TCF7L1: variants seen among roughly 807,000 people sequenced by gnomAD.
TCF7L1 encodes the protein transcription factor 7 like 1, also known as transcription factor 7-like 1.
TCF7L1 carries 18 observed loss-of-function variants against 63.7 expected under a neutral mutation model. The observed-to-expected ratio is 0.28, with a 90% CI of 0.20 to 0.42. The LOEUF (loss-of-function observed/expected upper bound fraction) is 0.42. Ranked by LOEUF, TCF7L1 falls within the 10% of genes least tolerant of loss-of-function variation. TCF7L1 has a pLI of 1.00. For missense variants in TCF7L1, 654 were observed against 779.3 expected (o/e 0.84, Z 1.91); for synonymous variants, 355 against 340.9 (o/e 1.04, Z -0.46).
At chr2:85,210,343 A>G (rs1420070312) in intron 3 of TCF7L1, among the ~76,000 whole-genome samples, 1 of 152,202 alleles carries the variant, frequency 6.6e-6, no homozygotes, top group Non-Finnish European at 1.5e-5. Flanking sequence ...GGAGCCCTGT[A>G]GTTTCTCCCC....
chr2:85,149,424 AATTAC>A (rs1677959393), intron 3 of TCF7L1, among the ~76,000 whole-genome samples: 1 of 152,082 alleles, frequency 6.6e-6, no homozygotes, highest in Non-Finnish European at 1.5e-5. Flanking sequence ...TATAAATATA[AATTAC>A]ATTTTAACTT....
At chr2:85,141,629 T>C (rs894470724) in intron 3 of TCF7L1, among the ~76,000 whole-genome samples, 2 of 152,120 alleles carry the variant, frequency 1.3e-5, no homozygotes, top group Non-Finnish European at 2.9e-5. Flanking sequence ...TTTGGGATGC[T>C]GGAGTGGGAG....
intron 4 of TCF7L1, among the ~76,000 whole-genome samples, chr2:85,300,558 C>A (rs915700326): frequency 3.9e-5 from 6 of 152,030 alleles, no homozygotes; most frequent in African/African-American, 1.2e-4. Flanking sequence ...TAATTCTCCG[C>A]CTCTCCTCTC....
intron 4 of TCF7L1, among the ~76,000 whole-genome samples, chr2:85,285,182 G>A (rs1243832856): frequency 6.6e-6 from 1 of 151,932 alleles, no homozygotes; most frequent in East Asian, 1.9e-4. Context: ...ATAGTGAGCC[G>A]AGATCGCGCC....
intron 3 of TCF7L1, among the ~76,000 whole-genome samples, chr2:85,155,392 T>C (rs1299779270): frequency 6.6e-6 from 1 of 152,188 alleles, no homozygotes; most frequent in Non-Finnish European, 1.5e-5. Flanking sequence ...CAATAAATCT[T>C]GCTGCTGTTC....
intron 3 of TCF7L1, among the ~76,000 whole-genome samples, chr2:85,158,599 C>G (rs945815624): frequency 2.0e-5 from 3 of 152,188 alleles, no homozygotes; most frequent in African/African-American, 7.2e-5. Flanking sequence ...CATGATAGCT[C>G]AGGTCAGGTT....
intron 3 of TCF7L1, among the ~76,000 whole-genome samples, chr2:85,171,046 G>A (rs1046966186): frequency 6.6e-6 from 1 of 152,090 alleles, no homozygotes; most frequent in Non-Finnish European, 1.5e-5. Context: ...AAGAAAAAAA[G>A]GTTAATGAAC....
At chr2:85,180,892 G>A (rs986900522) in intron 3 of TCF7L1, among the ~76,000 whole-genome samples, 2 of 152,222 alleles carry the variant, frequency 1.3e-5, no homozygotes, top group Non-Finnish European at 2.9e-5. Flanking sequence ...TAGCTAGACC[G>A]CTTCCTCCCT....
At chr2:85,283,836 C>A (rs1446324413) in intron 4 of TCF7L1, among the ~76,000 whole-genome samples, 1 of 152,196 alleles carries the variant, frequency 6.6e-6, no homozygotes, top group Non-Finnish European at 1.5e-5. Context: ...CACCCTGGTT[C>A]ATCACAGAAG....
chr2:85,172,867 C>G (rs759020414), intron 3 of TCF7L1, among the ~76,000 whole-genome samples: 2 of 152,152 alleles, frequency 1.3e-5, no homozygotes, highest in South Asian at 4.1e-4. Flanking sequence ...CTCCAGCCCT[C>G]TTCACCCCTC....
intron 3 of TCF7L1, among the ~76,000 whole-genome samples, chr2:85,231,463 C>T (rs1284032474): frequency 1.3e-5 from 2 of 152,212 alleles, no homozygotes; most frequent in Non-Finnish European, 2.9e-5. Flanking sequence ...TGAATTCCTC[C>T]TCGTCCACGT....
chr2:85,253,736 A>G (rs1392319965), intron 3 of TCF7L1, among the ~76,000 whole-genome samples: 2 of 152,188 alleles, frequency 1.3e-5, no homozygotes, highest in Non-Finnish European at 2.9e-5. Context: ...GTAAGAGTTT[A>G]CCTACTCCAG....
intron 3 of TCF7L1, among the ~76,000 whole-genome samples, chr2:85,197,295 C>G (rs536934495): frequency 6.6e-6 from 1 of 152,266 alleles, no homozygotes; most frequent in African/African-American, 2.4e-5. Flanking sequence ...CCTGTAATCC[C>G]AGCTATTTGG....
chr2:85,241,665 G>A (rs916952419), intron 3 of TCF7L1, among the ~76,000 whole-genome samples: 7 of 151,810 alleles, frequency 4.6e-5, no homozygotes, highest in East Asian at 1.9e-4. Context: ...GGTTGGTCTC[G>A]AACTCCTGAC....
intron 3 of TCF7L1, among the ~76,000 whole-genome samples, chr2:85,181,245 G>A (rs78871675): frequency 3.1e-4 from 47 of 152,348 alleles, no homozygotes; most frequent in African/African-American, 1.1e-3. Flanking sequence ...GCCAGCGTGT[G>A]CATGTGAGGG....
At chr2:85,219,603 GGCACAGTT>G (rs367968575) in intron 3 of TCF7L1, among the ~76,000 whole-genome samples, 28 of 152,240 alleles carry the variant, frequency 1.8e-4, no homozygotes, top group African/African-American at 6.5e-4. Context: ...GGCTAGGCTG[GGCACAGTT>G]GCTCACACCT....
At position 85,134,463 on chromosome 2, in the gene TCF7L1, C is replaced by T; in HGVS notation, c.441+13C>T. ...AGGAGCGCGCACCGTGAGTGCCCGTCGGGCGCGCCGGGGAGGGTGGGAGGC... is the reference window on the plus strand; with the variant it reads ...AGGAGCGCGCACCGTGAGTGCCCGTTGGGCGCGCCGGGGAGGGTGGGAGGC... On this transcript the variant is annotated intron_variant, in intron 3 of 11. Coordinates refer to ENST00000282111, the MANE Select transcript of TCF7L1 (RefSeq NM_031283.3). This position sits in a 1 kb window ranked among gnomAD's most constrained non-coding sequence, Gnocchi z 5.0. 2 of 1,548,754 alleles carry T rather than the reference C, an allele frequency of 1.3e-6. No homozygotes were observed. The highest frequency in any genetic ancestry group is 1.7e-6 in the Non-Finnish European group (2 of 1,146,012).
intron 3 of TCF7L1, among the ~76,000 whole-genome samples, chr2:85,168,224 A>ACACACACACACACACAC (rs1558622099): frequency 2.1e-5 from 2 of 96,340 alleles, no homozygotes; most frequent in Non-Finnish European, 5.1e-5. Context: ...CACACACACA[A>ACACACACACACACACAC]AGGGACACAA....
Position 85,296,318 on chromosome 2 carries a change from A to G in TCF7L1, c.526-6166A>G, listed in dbSNP as rs181873344. On this transcript the variant is annotated intron_variant, in intron 4 of 11. Coordinates refer to ENST00000282111, the MANE Select transcript of TCF7L1 (RefSeq NM_031283.3). ...GAGAAGTACAGGCCAGCTGTTTTGT[A>G]GAATGTCCCTTAGTTTGGGTTTGTC... Among the ~76,000 whole-genome samples, 7 of 152,258 alleles carry G rather than the reference A, an allele frequency of 4.6e-5. No homozygotes were observed. In the East Asian group the frequency reaches 1.4e-3, roughly 29 times the overall value.
Sources: gnomAD v4.1 joint callset for allele counts (sites outside exome capture counted in the v4.1 genomes callset) on GRCh38, gnomAD v4.1.1 for gene constraint, Gnocchi (gnomAD v3.1) non-coding constraint, MANE v1.5 for transcripts, NCBI Gene and HGNC (gene_info 2026-07-23, HGNC 2026-07-21) for gene names.